Variants in DNAH7 observed in about 807,000 individuals in gnomAD.
DNAH7 encodes the protein dynein axonemal heavy chain 7.
Under a neutral mutation model 444.6 loss-of-function variants are expected in DNAH7, and 397 were observed. The observed-to-expected ratio is 0.89, with a 90% CI of 0.82 to 0.97. The LOEUF (loss-of-function observed/expected upper bound fraction) is 0.97, where lower values mean the gene tolerates loss of function less well. Among genes scored for constraint, DNAH7 ranks in the 50% least tolerant of loss-of-function variants. The pLI is 0.00. For synonymous variants in DNAH7, 1,636 were observed against 1,624.4 expected (o/e 1.01, Z -0.17); for missense variants, 4,902 against 4,800.8 (o/e 1.02, Z -0.62).
intron 51 of DNAH7, among the ~76,000 whole-genome samples, chr2:195,814,904 C>T (rs900986144): frequency 1.3e-4 from 19 of 151,890 alleles, no homozygotes; most frequent in African/African-American, 4.6e-4. Flanking sequence ...CCGTGCCCAG[C>T]TAAATTTTTG....
chr2:195,778,017 C>T (rs1695144191), intron 58 of DNAH7, 32 bp from the exon 59 acceptor site: 2 of 1,562,406 alleles, frequency 1.3e-6, no homozygotes, highest in East Asian at 2.3e-5. Context: ...AACCAGTTAT[C>T]AGTAGCATGT....
chr2:196,057,909 TTCC>T (rs1697907230), intron 2 of DNAH7, 142 bp downstream of exon 2: 2 of 614,140 alleles, frequency 3.3e-6, no homozygotes, highest in East Asian at 6.0e-5. Flanking sequence ...CCTCACAGAA[TTCC>T]TCCATCAGAA....
chr2:195,777,838 C>A lies in DNAH7; in HGVS notation c.11026G>T (p.Asp3676Tyr). ...GGAACAAAATAGATGCCACTTGAGTCGAACTTATAGTCTGAATTTTCAACT... is the reference window on the plus strand; with the variant it reads ...GGAACAAAATAGATGCCACTTGAGTAGAACTTATAGTCTGAATTTTCAACT... ...ELVENSDYKFDSSGIYFVPPS... is the reference protein window; with the variant it reads ...ELVENSDYKFYSSGIYFVPPS... Residue 3676 changes from aspartate (D) to tyrosine (Y), a missense_variant, in exon 59 of 65, where the codon GAC becomes TAC. Coordinates refer to ENST00000312428, the MANE Select transcript of DNAH7 (RefSeq NM_018897.3). 1 of 1,613,486 alleles carries A rather than the reference C, an allele frequency of 6.2e-7. No individual in the cohort carries two copies. Among genetic ancestry groups the A allele is most frequent in the South Asian group, 1.1e-5 (1 of 90,962 alleles).
At chr2:195,798,668 C>T (rs943198659) in intron 55 of DNAH7, among the ~76,000 whole-genome samples, 1 of 151,448 alleles carries the variant, frequency 6.6e-6, no homozygotes, top group South Asian at 2.1e-4. Flanking sequence ...CTCAGCCTCC[C>T]GAGTAGCTGG....
chr2:195,790,518 G>A (rs1261846879), intron 57 of DNAH7, among the ~76,000 whole-genome samples: 1 of 148,302 alleles, frequency 6.7e-6, no homozygotes, highest in Non-Finnish European at 1.5e-5. Flanking sequence ...AGAGAATAGA[G>A]AACCCAGAAA....
intron 58 of DNAH7, among the ~76,000 whole-genome samples, chr2:195,785,868 T>C (rs1374438513): frequency 6.6e-6 from 1 of 152,172 alleles, no homozygotes; most frequent in African/African-American, 2.4e-5. Context: ...TTTTGAAAAG[T>C]GTAATTATAG....
chr2:195,792,665 T>C (rs1397663827), intron 57 of DNAH7, among the ~76,000 whole-genome samples: 1 of 152,148 alleles, frequency 6.6e-6, no homozygotes, highest in African/African-American at 2.4e-5. Flanking sequence ...CTTCTTAAAC[T>C]TATTAAAAGT....
intron 19 of DNAH7, among the ~76,000 whole-genome samples, chr2:195,949,699 C>T (rs1292916761): frequency 6.6e-6 from 1 of 152,172 alleles, no homozygotes; most frequent in Non-Finnish European, 1.5e-5. Flanking sequence ...AGAGGGAATG[C>T]TTCCAGCTTT....
intron 47 of DNAH7, among the ~76,000 whole-genome samples, chr2:195,835,426 T>TA (rs1285925323): frequency 6.7e-6 from 1 of 148,748 alleles, no homozygotes; most frequent in African/African-American, 2.5e-5. Flanking sequence ...GGTAGGGGGA[T>TA]ATAACAGGAT....
intron 38 of DNAH7, 27 bp downstream of exon 38, chr2:195,875,648 T>C (rs1024313276): frequency 1.3e-6 from 2 of 1,534,006 alleles, no homozygotes; most frequent in African/African-American, 1.4e-5. Flanking sequence ...TTTTCCATCT[T>C]AGTAATCACA....
At chr2:195,892,651 G>A (rs184607164) in intron 30 of DNAH7, 2 of 151,962 alleles carry the variant, frequency 1.3e-5, no homozygotes, top group Admixed American at 1.3e-4. Flanking sequence ...TCATATTAAT[G>A]CATTACTATT....
At chr2:196,038,979 G>A (rs1037874223) in intron 5 of DNAH7, among the ~76,000 whole-genome samples, 2 of 152,140 alleles carry the variant, frequency 1.3e-5, no homozygotes, top group Non-Finnish European at 2.9e-5. Flanking sequence ...CATCTAGACA[G>A]TAAATCAACA....
At chr2:195,939,115 A>T (rs1689251515) in intron 19 of DNAH7, among the ~76,000 whole-genome samples, 1 of 152,070 alleles carries the variant, frequency 6.6e-6, no homozygotes, top group Admixed American at 6.6e-5. Flanking sequence ...ATGTATTTGA[A>T]GTGACTAATA....
intron 5 of DNAH7, among the ~76,000 whole-genome samples, chr2:196,043,121 T>TG (rs1249996854): frequency 6.6e-6 from 1 of 152,106 alleles, no homozygotes; most frequent in African/African-American, 2.4e-5. Flanking sequence ...ATTCTAAAAC[T>TG]GGATTTTGGT....
chr2:195,740,920 T>G (rs1257715067), intron 63 of DNAH7, 51 bp from the exon 64 acceptor site: 1 of 1,145,254 alleles, frequency 8.7e-7, no homozygotes, highest in Middle Eastern at 2.2e-4. Flanking sequence ...TGCATTTTGA[T>G]TGAGTTCTGA....
rs1699790333 is a variant in DNAH7, at chr2:195,857,696, T to A, written c.8095A>T (p.Ser2699Cys). Residue 2699 changes from serine (S) to cysteine (C), a missense_variant, in exon 44 of 65, where the codon AGT becomes TGT. Physicochemically the swap from Ser to Cys is moderately radical, Grantham distance 112. Coordinates refer to ENST00000312428, the MANE Select transcript of DNAH7 (RefSeq NM_018897.3). The stretch of plus-strand genomic sequence containing the variant: ...ACAAGCTTGACACCAGCAGGAGGAC[T>A]CTTCATGGATTTTACCACTGTAATA... ...QDITVVKSMK[S>C]PPAGVKLVME... 8 of 1,608,522 alleles carry A rather than the reference T, an allele frequency of 5.0e-6. No homozygotes were observed. Among genetic ancestry groups the A allele is most frequent in the Middle Eastern group, 1.7e-4 (1 of 6,054 alleles).
At chr2:195,959,308 TCTG>T (rs537458353) in intron 18 of DNAH7, among the ~76,000 whole-genome samples, 165 of 152,112 alleles carry the variant, frequency 1.1e-3, no homozygotes, top group Non-Finnish European at 2.0e-3. Context: ...CCTGAATGCT[TCTG>T]CTTTCTTCTG....
At chr2:196,062,990 C>T (rs917950268) in intron 1 of DNAH7, among the ~76,000 whole-genome samples, 1 of 152,178 alleles carries the variant, frequency 6.6e-6, no homozygotes, top group African/African-American at 2.4e-5. Flanking sequence ...TCAAGCCATT[C>T]TCCTGCCTAA....
chr2:196,049,397 G>A (rs979309422), intron 3 of DNAH7, among the ~76,000 whole-genome samples: 4 of 152,096 alleles, frequency 2.6e-5, no homozygotes, highest in African/African-American at 4.8e-5. Context: ...GAAGCGCTAC[G>A]AGGAGTTGTA....
Sources: gnomAD v4.1 joint callset for allele counts (sites outside exome capture counted in the v4.1 genomes callset) on GRCh38, gnomAD v4.1.1 for gene constraint, MANE v1.5 for transcripts, NCBI Gene and HGNC (gene_info 2026-07-23, HGNC 2026-07-21) for gene names.